ELOVL4: variants seen among roughly 807,000 people sequenced by gnomAD.
The protein encoded by ELOVL4 is ELOVL fatty acid elongase 4, also known as very long chain fatty acid elongase 4.
ELOVL4 carries 18 observed loss-of-function variants against 42.1 expected under a neutral mutation model. That is an observed-to-expected ratio of 0.43 (90% CI 0.30 to 0.63). ELOVL4 has a LOEUF of 0.63. ELOVL4 is among the 30% of genes least tolerant of loss of function. The probability of loss-of-function intolerance (pLI) is 0.15; values close to 1 mark genes in which losing one functional copy is unlikely to be tolerated. For missense variants in ELOVL4, 299 were observed against 376.2 expected, an observed-to-expected ratio of 0.79 and a Z score of 1.70; for synonymous variants, 117 against 127.0, an observed-to-expected ratio of 0.92 and a Z score of 0.53.
Position 79,916,663 on chromosome 6 carries a change from T to G in ELOVL4, c.890A>C (p.Gln297Pro). 1 of 1,614,206 alleles carries G rather than the reference T, an allele frequency of 6.2e-7. No homozygotes were observed. Among genetic ancestry groups the G allele is most frequent in the Non-Finnish European group, 8.5e-7 (1 of 1,180,028 alleles). ...SANGVSKSEK[Q>P]LMIENGKKQK... The stretch of plus-strand genomic sequence containing the variant: ...CTTTTTTCCATTTTCTATCATGAGT[T>G]GTTTTTCTGATTTGCTCACACCATT... The change falls in exon 6 of 6, where the codon CAA (glutamine) becomes CCA (proline). Residue 297 changes from glutamine (Q) to proline (P), a missense_variant. Gln to Pro is a moderately conservative substitution (Grantham distance 76). Coordinates refer to ENST00000369816, the MANE Select transcript of ELOVL4 (RefSeq NM_022726.4).
chr6:79,941,894 T>C lies in ELOVL4; in HGVS notation c.100+5286A>G, dbSNP rs116536220. On this transcript the variant is annotated intron_variant, in intron 1 of 5. Coordinates refer to ENST00000369816, the MANE Select transcript of ELOVL4 (RefSeq NM_022726.4). ...TACAAAGGAGTGAAGTGGTAAATAA[T>C]AACGAAAGTTTAAACAGTTTGACAC... is the stretch of plus-strand genomic sequence containing the variant. 3.7e-3 allele frequency among the ~76,000 whole-genome samples: 566 copies of C among 152,246 alleles called. 3 individuals are homozygous for C. Among genetic ancestry groups the C allele is most frequent in the African/African-American group, 0.013 (546 of 41,542 alleles).
intron 1 of ELOVL4, among the ~76,000 whole-genome samples, chr6:79,946,516 C>G (rs572506841): frequency 3.3e-5 from 5 of 152,316 alleles, no homozygotes; most frequent in South Asian, 4.1e-4. Flanking sequence ...TCCCCCTCCC[C>G]CTGACTGCAC....
chr6:79,921,359 G>A (rs188873241), intron 4 of ELOVL4, among the ~76,000 whole-genome samples: 1 of 149,254 alleles, frequency 6.7e-6, no homozygotes, highest in Non-Finnish European at 1.5e-5. Flanking sequence ...TACTCAGGAG[G>A]CTGAGGCAGG....
intron 1 of ELOVL4, among the ~76,000 whole-genome samples, chr6:79,938,001 T>G (rs1260854331): frequency 6.6e-6 from 1 of 152,226 alleles, no homozygotes; most frequent in African/African-American, 2.4e-5. Context: ...AGTGCTGGGA[T>G]TACAGGCGTG....
intron 3 of ELOVL4, among the ~76,000 whole-genome samples, chr6:79,924,621 C>T (rs772159769): frequency 2.0e-5 from 3 of 151,758 alleles, no homozygotes; most frequent in South Asian, 2.1e-4. Context: ...GGATCCCTTG[C>T]GGCTGGGAGT....
chr6:79,932,003 A>G (rs994106401), intron 1 of ELOVL4, among the ~76,000 whole-genome samples: 1 of 152,232 alleles, frequency 6.6e-6, no homozygotes, highest in Non-Finnish European at 1.5e-5. Context: ...GAGAATTACT[A>G]AGGCACATTA....
At chr6:79,943,339 T>G (rs979573810) in intron 1 of ELOVL4, among the ~76,000 whole-genome samples, 33 of 152,124 alleles carry the variant, frequency 2.2e-4, no homozygotes, top group Non-Finnish European at 1.5e-5. Flanking sequence ...GGCCTGACCC[T>G]TAAGCACCTT....
chr6:79,942,156 A>G (rs1774658095), intron 1 of ELOVL4, among the ~76,000 whole-genome samples: 1 of 152,158 alleles, frequency 6.6e-6, no homozygotes, highest in South Asian at 2.1e-4. Context: ...CATTTTACTT[A>G]AGGGTCAGTG....
At chr6:79,920,524 A>T (rs1774235196) in intron 4 of ELOVL4, among the ~76,000 whole-genome samples, 1 of 152,194 alleles carries the variant, frequency 6.6e-6, no homozygotes, top group Non-Finnish European at 1.5e-5. Context: ...GATTTTTTTA[A>T]ACTTTGGAAT....
intron 1 of ELOVL4, among the ~76,000 whole-genome samples, chr6:79,931,101 G>GA (rs1191413792): frequency 1.3e-5 from 2 of 151,850 alleles, no homozygotes; most frequent in Non-Finnish European, 2.9e-5. Flanking sequence ...GGTGGAGGGG[G>GA]AAAAAATGAC....
chr6:79,947,102 G>T (rs1774758883), intron 1 of ELOVL4, 78 bp downstream of exon 1: 2 of 1,230,372 alleles, frequency 1.6e-6, no homozygotes, highest in Non-Finnish European at 1.2e-6. Flanking sequence ...TGTGGGGCCG[G>T]GCCCGGGAGC....
chr6:79,939,964 T>C (rs942251138), intron 1 of ELOVL4, among the ~76,000 whole-genome samples: 2 of 152,248 alleles, frequency 1.3e-5, no homozygotes, highest in East Asian at 3.8e-4. Flanking sequence ...AATATTCCAT[T>C]GTATGTATAT....
chr6:79,946,735 A>G (rs1172878911), intron 1 of ELOVL4, among the ~76,000 whole-genome samples: 2 of 152,188 alleles, frequency 1.3e-5, no homozygotes, highest in African/African-American at 4.8e-5. Context: ...AACCTCCTGT[A>G]CCTTCAGCTG....
chr6:79,938,642 T>C (rs907433462), intron 1 of ELOVL4, among the ~76,000 whole-genome samples: 3 of 152,230 alleles, frequency 2.0e-5, no homozygotes. Flanking sequence ...TATATTCACA[T>C]ATTTGTGTAT....
chr6:79,924,662 C>T lies in ELOVL4; in HGVS notation c.369+290G>A, dbSNP rs113508112. 4.7e-3 allele frequency among the ~76,000 whole-genome samples: 710 copies of T among 152,012 alleles called. 9 individuals are homozygous for T. The highest frequency in any genetic ancestry group is 0.016 in the African/African-American group (675 of 41,460). On this transcript the variant is annotated intron_variant, in intron 3 of 5. Transcript: ENST00000369816. ...ACCAGACTGGGCAACATAGCAAGAC[C>T]CTGTCTCTACAAAAAGTAAAAAAAT...
chr6:79,921,886 G>T, intron 3 of ELOVL4, 90 bp from the exon 4 acceptor site: 2 of 1,254,078 alleles, frequency 1.6e-6, no homozygotes, highest in Non-Finnish European at 2.3e-6. Flanking sequence ...ATAAACATTT[G>T]TATATTGCAC....
chr6:79,916,739 C>G lies in ELOVL4; in HGVS notation c.814G>C (p.Glu272Gln), dbSNP rs148919174. 17,144 of 1,614,028 alleles carry G rather than the reference C, an allele frequency of 0.011. 150 individuals are homozygous for G. The highest frequency in any genetic ancestry group is 0.012 in the Non-Finnish European group (14,120 of 1,180,020). The change falls in exon 6 of 6, where the codon GAG becomes CAG. Residue 272 changes from glutamate to glutamine, a missense_variant. Coordinates refer to ENST00000369816, the MANE Select transcript of ELOVL4 (RefSeq NM_022726.4). Reference sequence around the variant, plus strand: ...TTTCCAGCTTTTGGTTTCTTAGGCTCTTTGTATGTCCGAATGTAGAAGTTA... The same window carrying G: ...TTTCCAGCTTTTGGTTTCTTAGGCTGTTTGTATGTCCGAATGTAGAAGTTA... ...FLNFYIRTYK[E>Q]PKKPKAGKTA...
In ELOVL4 at chr6:79,916,350, C is replaced by T. The variant is rs1356532655; in HGVS notation, c.*258G>A. 1.1e-5 allele frequency: 5 copies of T among 467,200 alleles called. No individual in the cohort carries two copies. Among genetic ancestry groups the T allele is most frequent in the Non-Finnish European group, 1.9e-5 (5 of 259,910 alleles). The allele number at this position is 467,200 out of a possible 1,614,324, so 28.9% of individuals were successfully genotyped here. A position where few individuals can be genotyped will look rare whatever the true frequency, so the allele number is the denominator to read the frequency against. On this transcript the variant is annotated 3_prime_UTR_variant, in exon 6 of 6. Transcript: ENST00000369816. ...TGGATGTGAACAGGGGGAGAATCCC[C>T]AAAGTCACTTAATGATTGCTTTGGT...
At chr6:79,945,777 A>G (rs1169676908) in intron 1 of ELOVL4, among the ~76,000 whole-genome samples, 1 of 151,404 alleles carries the variant, frequency 6.6e-6, no homozygotes, top group Admixed American at 6.6e-5. Flanking sequence ...GTGTAACATC[A>G]GTGTAATAGC....
Sources: allele counts gnomAD v4.1 joint callset (sites outside exome capture counted in the v4.1 genomes callset), GRCh38; gene constraint gnomAD v4.1.1; transcripts MANE v1.5; gene names NCBI Gene and HGNC (gene_info 2026-07-23, HGNC 2026-07-21).